Variants in ZYG11B observed in about 807,000 individuals in gnomAD.
The protein encoded by ZYG11B is zyg-11 family member B, cell cycle regulator, also known as protein zyg-11 homolog B.
Under a neutral mutation model 82.4 loss-of-function variants are expected in ZYG11B, and 36 were observed. The ratio of observed to expected loss-of-function variants is 0.44; its 90% CI spans 0.33 to 0.58. The LOEUF (loss-of-function observed/expected upper bound fraction) is 0.58. Among genes scored for constraint, ZYG11B ranks in the 20% least tolerant of loss-of-function variants. The pLI is 0.02. For missense variants in ZYG11B, 552 were observed against 895.6 expected, an observed-to-expected ratio of 0.62 and a Z score of 4.90; for synonymous variants, 303 against 312.8, an observed-to-expected ratio of 0.97 and a Z score of 0.33.
At chr1:52,742,458 A>T (rs1336247450) in intron 1 of ZYG11B, among the ~76,000 whole-genome samples, 1 of 151,990 alleles carries the variant, frequency 6.6e-6, no homozygotes, top group Non-Finnish European at 1.5e-5. Context: ...TCTCTAAAAA[A>T]AATAAAAGAT....
chr1:52,738,249 C>T (rs748167379), intron 1 of ZYG11B, among the ~76,000 whole-genome samples: 9 of 152,144 alleles, frequency 5.9e-5, no homozygotes, highest in African/African-American at 1.7e-4. Flanking sequence ...TTCACTCTGT[C>T]GCCCAGGCTG....
chr1:52,767,940 G>C lies in ZYG11B; in HGVS notation c.197-3080G>C, dbSNP rs539336568. On this transcript the variant is annotated intron_variant, in intron 2 of 13. Transcript: ENST00000294353. ...TCCCCAGAAGGTATCTACTAACATC[G>C]TGGTGGGGGATAGTTCTTACTACCC... Among the ~76,000 whole-genome samples the C allele has an allele frequency of 5.9e-5, 9 of 152,282 alleles. No homozygotes were observed. The South Asian group carries it at 1.9e-3, about 32-fold the overall frequency.
chr1:52,733,501 C>T (rs1644351505), intron 1 of ZYG11B, among the ~76,000 whole-genome samples: 1 of 151,980 alleles, frequency 6.6e-6, no homozygotes, highest in South Asian at 2.1e-4. Flanking sequence ...TAGTGAGACC[C>T]TATCTCTACA....
chr1:52,746,687 G>GTTTTTTT (rs11446988), intron 1 of ZYG11B, among the ~76,000 whole-genome samples: 473 of 33,476 alleles, frequency 0.014, 120 homozygotes, highest in South Asian at 0.02. Context: ...ATCGGCCACT[G>GTTTTTTT]TTTTTTTTTT....
chr1:52,793,868 TTTCC>T (rs751920808), intron 6 of ZYG11B, among the ~76,000 whole-genome samples: 2,601 of 95,488 alleles, frequency 0.027, 47 homozygotes, highest in South Asian at 0.061. Context: ...CTTTTCTTTC[TTTCC>T]TTCCTTCCTT....
chr1:52,759,019 C>A (rs1362067842), intron 2 of ZYG11B, among the ~76,000 whole-genome samples: 1 of 152,154 alleles, frequency 6.6e-6, no homozygotes, highest in Non-Finnish European at 1.5e-5. Flanking sequence ...GCAGCCTCCA[C>A]CTCCTGGGTT....
At chr1:52,748,407 ATATT>A (rs1403277748) in intron 1 of ZYG11B, among the ~76,000 whole-genome samples, 1 of 152,238 alleles carries the variant, frequency 6.6e-6, no homozygotes, top group African/African-American at 2.4e-5. Context: ...AAGATTGAAA[ATATT>A]TATGAAGTAC....
At chr1:52,729,909 G>GCAT (rs1268930177) in intron 1 of ZYG11B, among the ~76,000 whole-genome samples, 5 of 152,132 alleles carry the variant, frequency 3.3e-5, no homozygotes, top group African/African-American at 1.2e-4. Context: ...CCAGGCTCAA[G>GCAT]CGATCCTCTC....
At position 52,771,679 on chromosome 1, in the gene ZYG11B, G is replaced by A. The variant is rs981410083; in HGVS notation, c.856G>A (p.Ala286Thr). Residue 286 changes from alanine (A) to threonine (T), a missense_variant, in exon 3 of 14, where the codon GCC becomes ACC. Ala to Thr is a moderately conservative substitution (Grantham distance 58). Coordinates refer to ENST00000294353, the MANE Select transcript of ZYG11B (RefSeq NM_024646.3). The surrounding 1 kb of genome is among the most constrained non-coding windows in gnomAD (Gnocchi z 5.4). ...GCACGTGACAGATAAAGCCGTTGAAGCCTTTATACAACAACGTCCAAGCAT... is the reference window on the plus strand; with the variant it reads ...GCACGTGACAGATAAAGCCGTTGAAACCTTTATACAACAACGTCCAAGCAT... Reference protein sequence around the residue: ...RKHVTDKAVEAFIQQRPSMQF... With the variant: ...RKHVTDKAVETFIQQRPSMQF... 4.3e-6 allele frequency: 7 copies of A among 1,614,070 alleles called. No individual in the cohort carries two copies. The Admixed American group carries it at 5.0e-5, about 12-fold the overall frequency.
In ZYG11B at chr1:52,790,026, A is replaced by C; in HGVS notation, c.1293A>C (p.Ser431=). ...AGTTACAGAAGAATTGCCTCCTTTC[A>C]CTTTGCAGTGACCGGATCCTTCAAG... ...HQQLQKNCLL[S]LCSDRILQDV... The change falls in exon 6 of 14, where the codon TCA becomes TCC. Residue 431 remains serine, a synonymous_variant. Transcript: ENST00000294353. 6.3e-7 allele frequency: 1 copy of C among 1,591,346 alleles called. No individual in the cohort carries two copies. The highest frequency in any genetic ancestry group is 8.6e-7 in the Non-Finnish European group (1 of 1,167,330).
In ZYG11B at chr1:52,821,515, T is replaced by C. The variant is rs1376385727; in HGVS notation, c.2121T>C (p.Thr707=). The change falls in exon 14 of 14, where the codon ACT becomes ACC. Residue 707 remains threonine, a synonymous_variant. Coordinates refer to ENST00000294353, the MANE Select transcript of ZYG11B (RefSeq NM_024646.3). ...HLYNIKDHEH[T]DPHVQQIAVA... ...ACAACATCAAAGATCATGAACATAC[T>C]GATCCCCATGTCCAACAGATTGCTG... is the stretch of plus-strand genomic sequence containing the variant. 3.7e-6 allele frequency: 6 copies of C among 1,614,198 alleles called. No individual in the cohort carries two copies. Among genetic ancestry groups the C allele is most frequent in the Non-Finnish European group, 3.4e-6 (4 of 1,180,020 alleles).
intron 3 of ZYG11B, among the ~76,000 whole-genome samples, chr1:52,773,644 T>A (rs1465048303): frequency 5.7e-5 from 4 of 69,808 alleles, no homozygotes; most frequent in South Asian, 6.4e-4. Flanking sequence ...TTTTTTTTTT[T>A]TTTTTTTTTT....
chr1:52,817,252 G>A (rs1014261369), intron 13 of ZYG11B, among the ~76,000 whole-genome samples: 4 of 152,278 alleles, frequency 2.6e-5, no homozygotes, highest in Non-Finnish European at 4.4e-5. Context: ...TAGATCCACT[G>A]TTTATGGTAC....
At chr1:52,736,727 A>G (rs1380329983) in intron 1 of ZYG11B, among the ~76,000 whole-genome samples, 2 of 151,928 alleles carry the variant, frequency 1.3e-5, no homozygotes, top group Admixed American at 6.6e-5. Flanking sequence ...TGCTGGGATG[A>G]CAGGCGTGAA....
intron 2 of ZYG11B, among the ~76,000 whole-genome samples, chr1:52,762,926 C>T (rs976410354): frequency 1.4e-5 from 2 of 142,818 alleles, no homozygotes; most frequent in African/African-American, 2.7e-5. Flanking sequence ...TTGGGTCTTA[C>T]ATTTAGGTCT....
chr1:52,805,472 G>T (rs950982037), intron 10 of ZYG11B: 12 of 455,650 alleles, frequency 2.6e-5, no homozygotes, highest in Admixed American at 4.7e-5. Context: ...TTTTTTCAGG[G>T]TTAATATGAT....
chr1:52,807,851 T>C (rs867149721), intron 10 of ZYG11B, among the ~76,000 whole-genome samples: 2 of 151,880 alleles, frequency 1.3e-5, no homozygotes, highest in Non-Finnish European at 2.9e-5. Context: ...GATCTGCTGA[T>C]GATGAATTCT....
chr1:52,785,107 C>A, intron 5 of ZYG11B, 54 bp downstream of exon 5: 1 of 1,557,014 alleles, frequency 6.4e-7, no homozygotes, highest in Admixed American at 2.0e-5. Context: ...TTCTACTCAT[C>A]TCCTACAGTT....
intron 8 of ZYG11B, among the ~76,000 whole-genome samples, chr1:52,798,872 A>G (rs1645050988): frequency 6.6e-6 from 1 of 152,162 alleles, no homozygotes; most frequent in Non-Finnish European, 1.5e-5. Flanking sequence ...GCCTGTTAAA[A>G]TCCTGGCATG....
Sources: allele counts gnomAD v4.1 joint callset (sites outside exome capture counted in the v4.1 genomes callset), GRCh38; gene constraint gnomAD v4.1.1; non-coding constraint Gnocchi (gnomAD v3.1); transcripts MANE v1.5; gene names NCBI Gene and HGNC (gene_info 2026-07-23, HGNC 2026-07-21).